The following CCDC85C variants were observed in gnomAD, a reference collection of about 807,000 sequenced individuals.
CCDC85C encodes coiled-coil domain-containing protein 85C.
CCDC85C carries 18 observed loss-of-function variants against 38.3 expected under a neutral mutation model. The observed-to-expected ratio is 0.47, with a 90% CI of 0.33 to 0.70. The LOEUF (loss-of-function observed/expected upper bound fraction) is 0.70, where lower values mean the gene tolerates loss of function less well. Ranked by LOEUF, CCDC85C falls within the 30% of genes least tolerant of loss-of-function variation. The pLI is 0.03. For synonymous variants in CCDC85C, 264 were observed against 293.8 expected (o/e 0.90, Z 1.04); for missense variants, 566 against 621.2 (o/e 0.91, Z 0.94).
intron 3 of CCDC85C, among the ~76,000 whole-genome samples, chr14:99,517,859 C>G (rs530912067): frequency 2.0e-5 from 3 of 152,210 alleles, no homozygotes; most frequent in African/African-American, 7.2e-5. Flanking sequence ...GCTTCTGCCT[C>G]GGGCTGCAGT....
In CCDC85C at chr14:99,516,500, C is replaced by T. The variant is rs1450133735; in HGVS notation, c.1072-214G>A. Among the ~76,000 whole-genome samples the T allele has an allele frequency of 6.6e-6, 1 of 152,168 alleles. No homozygotes were observed. The highest frequency in any genetic ancestry group is 1.5e-5 in the Non-Finnish European group (1 of 68,022). ...GCCCTACAAGGGAAGCAGCTCATGG[C>T]TGGGCCACCCGGGAGGAAGTAGACA... On this transcript the variant is annotated intron_variant, in intron 4 of 5. Transcript: ENST00000380243. This position sits in a 1 kb window ranked among gnomAD's most constrained non-coding sequence, Gnocchi z 5.5.
chr14:99,587,778 C>G (rs375484788), intron 1 of CCDC85C, among the ~76,000 whole-genome samples: 1 of 152,184 alleles, frequency 6.6e-6, no homozygotes, highest in African/African-American at 2.4e-5. Context: ...CCCCTTACTG[C>G]ACGGGGGCTG....
chr14:99,532,260 AG>A (rs1897507668), intron 2 of CCDC85C, among the ~76,000 whole-genome samples: 1 of 152,208 alleles, frequency 6.6e-6, no homozygotes, highest in South Asian at 2.1e-4. Flanking sequence ...TGCAGACAGG[AG>A]GCCAGGAGGA....
intron 1 of CCDC85C, among the ~76,000 whole-genome samples, chr14:99,596,939 G>T (rs954699004): frequency 3.3e-5 from 5 of 152,172 alleles, no homozygotes; most frequent in Non-Finnish European, 4.4e-5. Context: ...GCGCTGTCCT[G>T]CCTGAGCCCC....
At chr14:99,575,888 A>C (rs1898464938) in intron 1 of CCDC85C, among the ~76,000 whole-genome samples, 1 of 152,208 alleles carries the variant, frequency 6.6e-6, no homozygotes. Context: ...TGTGGTTCAC[A>C]GCTGCCTACA....
Position 99,558,327 on chromosome 14 carries a change from C to T in CCDC85C, c.794-22239G>A, listed in dbSNP as rs1263727216. The stretch of plus-strand genomic sequence containing the variant: ...ATGTGATCTTATTTGGAAATACGGT[C>T]TTTGCACATGTAGTCAAGGTAAGGT... On this transcript the variant is annotated intron_variant, in intron 1 of 5. Transcript: ENST00000380243. The surrounding 1 kb of genome is among the most constrained non-coding windows in gnomAD (Gnocchi z 4.2). Among the ~76,000 whole-genome samples, 4 of 152,232 alleles carry T rather than the reference C, an allele frequency of 2.6e-5. No individual in the cohort carries two copies. The highest frequency in any genetic ancestry group is 5.9e-5 in the Non-Finnish European group (4 of 68,038).
At chr14:99,518,552 T>C (rs1278570373) in intron 3 of CCDC85C, among the ~76,000 whole-genome samples, 1 of 150,376 alleles carries the variant, frequency 6.6e-6, no homozygotes, top group Non-Finnish European at 1.5e-5. Context: ...CGCTGGGGAT[T>C]CCCCCTGGGG....
chr14:99,588,571 G>A lies in CCDC85C; in HGVS notation c.793+14596C>T, dbSNP rs186604677. Among the ~76,000 whole-genome samples, 8 of 152,218 alleles carry A rather than the reference G, an allele frequency of 5.3e-5. No individual in the cohort carries two copies. Among genetic ancestry groups the A allele is most frequent in the Admixed American group, 1.3e-4 (2 of 15,300 alleles). ...TTATTCTGCTCCTGCTGGCGATGGC[G>A]CTGGCCCGGGAGGCCTGAGGAAGCG... On this transcript the variant is annotated intron_variant, in intron 1 of 5. Transcript: ENST00000380243. This position sits in a 1 kb window ranked among gnomAD's most constrained non-coding sequence, Gnocchi z 5.0.
rs966778522 is a variant in CCDC85C, at chr14:99,501,273, C to T, written c.*13973G>A. The T allele has an allele frequency of 6.9e-6, 6 of 875,310 alleles. No individual in the cohort carries two copies. Among genetic ancestry groups the T allele is most frequent in the African/African-American group, 1.6e-5 (1 of 60,708 alleles). The allele number at this position is 875,310 out of a possible 1,614,324, so 54.2% of individuals were successfully genotyped here. A position where few individuals can be genotyped will look rare whatever the true frequency, so the allele number is the denominator to read the frequency against. On this transcript the variant is annotated 3_prime_UTR_variant, in exon 6 of 6. Coordinates refer to ENST00000380243, the MANE Select transcript of CCDC85C (RefSeq NM_001144995.2). Reference sequence around the variant, plus strand: ...CTGTGTATTTGAGTGGTGCTGAACACGTGGTAGGTTTTTAATAAATACTTG... The same window carrying T: ...CTGTGTATTTGAGTGGTGCTGAACATGTGGTAGGTTTTTAATAAATACTTG...
At chr14:99,524,722 G>A (rs1302201585) in intron 2 of CCDC85C, among the ~76,000 whole-genome samples, 1 of 152,176 alleles carries the variant, frequency 6.6e-6, no homozygotes, top group Non-Finnish European at 1.5e-5. Flanking sequence ...AGATTCCCTA[G>A]GATTTCCCCG....
chr14:99,518,470 C>T lies in CCDC85C; in HGVS notation c.976-1287G>A, dbSNP rs1595337174. Among the ~76,000 whole-genome samples, 4 of 152,322 alleles carry T rather than the reference C, an allele frequency of 2.6e-5. No individual in the cohort carries two copies. In the Middle Eastern group the frequency reaches 0.014, roughly 518 times the overall value. ...TGGACAATAGAAAGGGTCCTCTGCC[C>T]CAGGGTGTGTGCAGACCCCTAACTC... On this transcript the variant is annotated intron_variant, in intron 3 of 5. Coordinates refer to ENST00000380243, the MANE Select transcript of CCDC85C (RefSeq NM_001144995.2).
intron 1 of CCDC85C, among the ~76,000 whole-genome samples, chr14:99,536,293 G>A (rs532575359): frequency 5.3e-5 from 8 of 152,292 alleles, no homozygotes; most frequent in South Asian, 2.1e-4. Flanking sequence ...CGGCCATAGG[G>A]CACCTGACAC....
At position 99,502,193 on chromosome 14, in the gene CCDC85C, T is replaced by C; in HGVS notation, c.*13053A>G. ...GATCATATTATCTAACCTTTTTTTT[T>C]CTTGTTGAACTAGTCTCTGCACCAC... is the stretch of plus-strand genomic sequence containing the variant. On this transcript the variant is annotated 3_prime_UTR_variant, in exon 6 of 6. Coordinates refer to ENST00000380243, the MANE Select transcript of CCDC85C (RefSeq NM_001144995.2). The C allele has an allele frequency of 6.4e-7, 1 of 1,559,158 alleles. No homozygotes were observed. The highest frequency in any genetic ancestry group is 8.7e-7 in the Non-Finnish European group (1 of 1,151,388).
Position 99,604,103 on chromosome 14 carries a change from T to C in CCDC85C, c.-144A>G. The C allele has an allele frequency of 3.6e-5, 17 of 468,876 alleles. No individual in the cohort carries two copies. The highest frequency in any genetic ancestry group is 4.6e-5 in the Non-Finnish European group (17 of 366,786). The allele number at this position is 468,876 out of a possible 1,614,324, so 29.0% of individuals were successfully genotyped here. A position where few individuals can be genotyped will look rare whatever the true frequency, so the allele number is the denominator to read the frequency against. Reference sequence around the variant, plus strand: ...GCCCCGCGCCGCCTGGCGCGTCCTCTCGCCGCGCCCGCCGGGGCCGCCCGG... The same window carrying C: ...GCCCCGCGCCGCCTGGCGCGTCCTCCCGCCGCGCCCGCCGGGGCCGCCCGG... On this transcript the variant is annotated 5_prime_UTR_variant, in exon 1 of 6. Transcript: ENST00000380243.
At chr14:99,581,368 C>T (rs1210201535) in intron 1 of CCDC85C, among the ~76,000 whole-genome samples, 2 of 152,262 alleles carry the variant, frequency 1.3e-5, no homozygotes, top group African/African-American at 2.4e-5. Flanking sequence ...GCAAAGAACA[C>T]AGCCCCTGAA....
intron 1 of CCDC85C, among the ~76,000 whole-genome samples, chr14:99,598,110 C>T (rs1157655170): frequency 1.2e-4 from 18 of 152,156 alleles, no homozygotes. Context: ...AGCGCTGCAG[C>T]GGGAGATGGG....
chr14:99,588,454 C>T lies in CCDC85C; in HGVS notation c.793+14713G>A, dbSNP rs1030294442. 2.6e-5 allele frequency among the ~76,000 whole-genome samples: 4 copies of T among 152,020 alleles called. No individual in the cohort carries two copies. The highest frequency in any genetic ancestry group is 7.2e-5 in the African/African-American group (3 of 41,394). ...ATTTACCCAGAGAAAAGAGAGCCCA[C>T]GGACCCATCCAAAAGTCACCAGAGG... is the stretch of plus-strand genomic sequence containing the variant. On this transcript the variant is annotated intron_variant, in intron 1 of 5. Coordinates refer to ENST00000380243, the MANE Select transcript of CCDC85C (RefSeq NM_001144995.2). This position sits in a 1 kb window ranked among gnomAD's most constrained non-coding sequence, Gnocchi z 5.0.
In CCDC85C at chr14:99,501,291, A is replaced by C; in HGVS notation, c.*13955T>G. The C allele has an allele frequency of 9.4e-7, 1 of 1,061,002 alleles. No individual in the cohort carries two copies. The highest frequency in any genetic ancestry group is 1.5e-6 in the Non-Finnish European group (1 of 679,540). The allele number at this position is 1,061,002 out of a possible 1,614,324, so 65.7% of individuals were successfully genotyped here. A position where few individuals can be genotyped will look rare whatever the true frequency, so the allele number is the denominator to read the frequency against. Reference sequence around the variant, plus strand: ...CTGAACACGTGGTAGGTTTTTAATAAATACTTGATGCTGCCTGTGAATTTT... The same window carrying C: ...CTGAACACGTGGTAGGTTTTTAATACATACTTGATGCTGCCTGTGAATTTT... On this transcript the variant is annotated 3_prime_UTR_variant, in exon 6 of 6. Coordinates refer to ENST00000380243, the MANE Select transcript of CCDC85C (RefSeq NM_001144995.2).
In CCDC85C at chr14:99,603,086, G is replaced by A; in HGVS notation, c.793+81C>T. Reference sequence around the variant, plus strand: ...GGCGGCCGCATGAGTGGGACAGCCAGGGACCACCTCCTCTCGCCGCAGCCT... The same window carrying A: ...GGCGGCCGCATGAGTGGGACAGCCAAGGACCACCTCCTCTCGCCGCAGCCT... On this transcript the variant is annotated intron_variant, in intron 1 of 5. Coordinates refer to ENST00000380243, the MANE Select transcript of CCDC85C (RefSeq NM_001144995.2). This position sits in a 1 kb window ranked among gnomAD's most constrained non-coding sequence, Gnocchi z 7.5. 1.6e-6 allele frequency: 2 copies of A among 1,272,590 alleles called. No homozygotes were observed. Among genetic ancestry groups the A allele is most frequent in the Non-Finnish European group, 2.0e-6 (2 of 1,008,830 alleles). The allele number at this position is 1,272,590 out of a possible 1,614,324, so 78.8% of individuals were successfully genotyped here. A position where few individuals can be genotyped will look rare whatever the true frequency, so the allele number is the denominator to read the frequency against.
Sources: allele counts gnomAD v4.1 joint callset (sites outside exome capture counted in the v4.1 genomes callset), GRCh38; gene constraint gnomAD v4.1.1; non-coding constraint Gnocchi (gnomAD v3.1); transcripts MANE v1.5; gene names NCBI Gene and HGNC (gene_info 2026-07-23, HGNC 2026-07-21).